The following SYNPR variants were observed in gnomAD, a reference collection of about 807,000 sequenced individuals.
SYNPR encodes the protein synaptoporin.
In SYNPR, 23 loss-of-function variants were observed where a neutral mutation model predicts 32.9. The ratio of observed to expected loss-of-function variants is 0.70; its 90% CI spans 0.50 to 0.99. The LOEUF is 0.99. Ranked by LOEUF, SYNPR falls within the 50% of genes least tolerant of loss-of-function variation. The pLI is 0.00. For synonymous variants in SYNPR, 146 were observed against 135.9 expected, an observed-to-expected ratio of 1.07 and a Z score of -0.52; for missense variants, 318 against 349.3, an observed-to-expected ratio of 0.91 and a Z score of 0.71.
chr3:63,511,907 G>T (rs1701705751), intron 3 of SYNPR, among the ~76,000 whole-genome samples: 2 of 152,028 alleles, frequency 1.3e-5, no homozygotes, highest in South Asian at 4.2e-4. Context: ...TATGCTTATT[G>T]TAAAATATTC....
upstream of SYNPR, among the ~76,000 whole-genome samples, chr3:63,277,922 A>G (rs137983822): frequency 7.9e-5 from 12 of 152,306 alleles, no homozygotes; most frequent in African/African-American, 2.6e-4. Context: ...GAAGGAATGA[A>G]TGAAAGAGCC....
chr3:63,483,446 T>G (rs1377513539), intron 3 of SYNPR, among the ~76,000 whole-genome samples: 2 of 152,186 alleles, frequency 1.3e-5, no homozygotes, highest in Non-Finnish European at 2.9e-5. Context: ...TATGTATATG[T>G]GTGTAAAATA....
chr3:63,471,086 G>A (rs1034401035), intron 2 of SYNPR, among the ~76,000 whole-genome samples: 3 of 152,186 alleles, frequency 2.0e-5, no homozygotes, highest in African/African-American at 7.2e-5. Context: ...TTGATGGCAT[G>A]AAGTATCAAT....
At chr3:63,235,451 T>C (rs1411683722) in intron 1 of SYNPR, among the ~76,000 whole-genome samples, 1 of 152,188 alleles carries the variant, frequency 6.6e-6, no homozygotes, top group Non-Finnish European at 1.5e-5. Flanking sequence ...GCTAGAACAG[T>C]GGTTTCAAAT....
intron 3 of SYNPR, among the ~76,000 whole-genome samples, chr3:63,532,137 T>C (rs1018826136): frequency 3.3e-5 from 5 of 152,168 alleles, no homozygotes; most frequent in African/African-American, 1.2e-4. Context: ...TGTAGGCAAA[T>C]GGAAAGGAGC....
chr3:63,484,061 T>C (rs1255523669), intron 3 of SYNPR, among the ~76,000 whole-genome samples: 1 of 152,172 alleles, frequency 6.6e-6, no homozygotes, highest in Non-Finnish European at 1.5e-5. Flanking sequence ...TGTAAGATAA[T>C]GTCAGTGTTA....
intron 2 of SYNPR, among the ~76,000 whole-genome samples, chr3:63,316,140 C>G (rs1244064399): frequency 6.6e-6 from 1 of 151,950 alleles, no homozygotes; most frequent in African/African-American, 2.4e-5. Context: ...ATTCAGTTAG[C>G]TAGTATTTTG....
At chr3:63,225,776 T>C (rs1182448155), upstream of SYNPR, among the ~76,000 whole-genome samples, 1 of 152,112 alleles carries the variant, frequency 6.6e-6, no homozygotes, top group African/African-American at 2.4e-5. Context: ...CTCAAAAGCA[T>C]AGACGATTAA....
chr3:63,328,410 T>C (rs974473298), intron 2 of SYNPR, among the ~76,000 whole-genome samples: 3 of 152,178 alleles, frequency 2.0e-5, no homozygotes, highest in Non-Finnish European at 4.4e-5. Flanking sequence ...CTGGTCTATA[T>C]TTAAAAGAAG....
rs543127420 is a variant in SYNPR at position 63,392,296 on chromosome 3, GTCAAATAGAT to G, written c.85-88533_85-88524del. Among the ~76,000 whole-genome samples, 8 of 152,206 alleles carry G rather than the reference GTCAAATAGAT, an allele frequency of 5.3e-5. No homozygotes were observed. In the South Asian group the frequency reaches 1.7e-3, roughly 32 times the overall value. Reference sequence around the variant, plus strand: ...CTTCTCTCTGGTTTCAGAGGCAAAAGTCAAATAGATTCTCAGGTTACGCCATTGTACACAA... The same window carrying G: ...CTTCTCTCTGGTTTCAGAGGCAAAAGTCTCAGGTTACGCCATTGTACACAA... On this transcript the variant is annotated intron_variant, in intron 2 of 5. Transcript: ENST00000478300.
chr3:63,203,068 G>GTGTGTGTGTATA, the SYNPR span: 15 of 108,588 alleles, frequency 1.4e-4, no homozygotes, highest in Admixed American at 7.0e-4. Flanking sequence ...ATATGTATGT[G>GTGTGTGTGTATA]TATATATATA....
At chr3:63,521,725 C>T (rs1283596168) in intron 3 of SYNPR, among the ~76,000 whole-genome samples, 1 of 152,224 alleles carries the variant, frequency 6.6e-6, no homozygotes, top group East Asian at 1.9e-4. Context: ...AAGTTCCTAA[C>T]TCATAATGGT....
chr3:63,365,953 GC>G (rs1575611800), intron 2 of SYNPR, among the ~76,000 whole-genome samples: 2 of 152,146 alleles, frequency 1.3e-5, no homozygotes, highest in African/African-American at 4.8e-5. Flanking sequence ...TCTGTGGGAA[GC>G]TTTTGATGTT....
At chr3:63,281,017 T>A (rs1457184852) in intron 2 of SYNPR, among the ~76,000 whole-genome samples, 1 of 152,156 alleles carries the variant, frequency 6.6e-6, no homozygotes, top group East Asian at 1.9e-4. Flanking sequence ...GAGAGAGTAC[T>A]AGTTGCTGAA....
intron 2 of SYNPR, among the ~76,000 whole-genome samples, chr3:63,346,954 A>C (rs1426045148): frequency 6.6e-6 from 1 of 152,184 alleles, no homozygotes; most frequent in Non-Finnish European, 1.5e-5. Context: ...TTATTTAAGG[A>C]ATAATTTTAT....
intron 2 of SYNPR, among the ~76,000 whole-genome samples, chr3:63,412,149 C>A (rs2107118827): frequency 6.6e-6 from 1 of 152,096 alleles, no homozygotes; most frequent in Non-Finnish European, 1.5e-5. Context: ...TTCTGATGGG[C>A]AACTGATACA....
chr3:63,229,643 C>A (rs1378861527), intron 1 of SYNPR, among the ~76,000 whole-genome samples: 1 of 152,128 alleles, frequency 6.6e-6, no homozygotes, highest in East Asian at 1.9e-4. Context: ...ACTGATTCTG[C>A]CATACTGAAG....
the SYNPR span, among the ~76,000 whole-genome samples, chr3:63,219,440 C>A: frequency 2.8e-4 from 42 of 152,116 alleles, no homozygotes; most frequent in Middle Eastern, 6.8e-3. Context: ...ATATGGGAAA[C>A]CTTTGAAGAG....
chr3:63,526,311 T>C (rs544490638), intron 3 of SYNPR, among the ~76,000 whole-genome samples: 19 of 152,342 alleles, frequency 1.2e-4, no homozygotes, highest in Admixed American at 7.2e-4. Context: ...CTAAGTATTC[T>C]CCATCCCCTT....
Sources: allele counts gnomAD v4.1 joint callset (sites outside exome capture counted in the v4.1 genomes callset), GRCh38; gene constraint gnomAD v4.1.1; transcripts MANE v1.5; gene names NCBI Gene and HGNC (gene_info 2026-07-23, HGNC 2026-07-21).